SLC9A6: variants seen among roughly 807,000 people sequenced by gnomAD.
SLC9A6 encodes sodium/hydrogen exchanger 6.
SLC9A6 carries 6 observed loss-of-function variants against 45.3 expected under a neutral mutation model. That is an observed-to-expected ratio of 0.13 (90% CI 0.07 to 0.26). SLC9A6 has a LOEUF of 0.26. Among genes scored for constraint, SLC9A6 ranks in the 10% least tolerant of loss-of-function variants. The pLI is 1.00. For missense variants in SLC9A6, 278 were observed against 503.7 expected (o/e 0.55, Z 4.29); for synonymous variants, 191 against 187.7 (o/e 1.02, Z -0.14).
At chrX:136,036,570 G>A (rs1310797217) in intron 16 of SLC9A6, among the ~76,000 whole-genome samples, 2 of 112,448 alleles carry the variant, frequency 1.8e-5, no homozygotes, top group African/African-American at 6.5e-5. Context: ...CTGGAGTGCA[G>A]TGGTGCAATC....
chrX:136,005,017 T>C (rs1344126757), intron 7 of SLC9A6, among the ~76,000 whole-genome samples: 1 of 112,291 alleles, frequency 8.9e-6, no homozygotes, highest in Non-Finnish European at 1.9e-5. Context: ...TAGCATCGAT[T>C]CCCTATCCTA....
intron 7 of SLC9A6, among the ~76,000 whole-genome samples, chrX:136,006,991 C>T (rs782562621): frequency 2.7e-5 from 3 of 110,485 alleles, no homozygotes; most frequent in Non-Finnish European, 3.8e-5. Context: ...CTTAGCCTCC[C>T]GAGTAGCTGG....
intron 3 of SLC9A6, among the ~76,000 whole-genome samples, chrX:135,997,149 C>G (rs1423191338): frequency 9.0e-6 from 1 of 110,747 alleles, no homozygotes; most frequent in African/African-American, 3.3e-5. Context: ...CTCCGCCTCC[C>G]AGGTTCAAGT....
chrX:136,004,080 C>CTTTT (rs782804669), intron 7 of SLC9A6, among the ~76,000 whole-genome samples: 8 of 66,242 alleles, frequency 1.2e-4, no homozygotes, highest in Non-Finnish European at 1.7e-4. Flanking sequence ...CCTCCCTAAT[C>CTTTT]TTTTTTTTTT....
chrX:136,005,110 A>C (rs1052671581), intron 7 of SLC9A6, among the ~76,000 whole-genome samples: 4 of 112,055 alleles, frequency 3.6e-5, no homozygotes, highest in Non-Finnish European at 7.5e-5. Flanking sequence ...TAAGAGTTAG[A>C]AAATCTCTGT....
intron 17 of SLC9A6, among the ~76,000 whole-genome samples, chrX:136,042,831 G>A (rs946385792): frequency 9.1e-6 from 1 of 110,119 alleles, no homozygotes; most frequent in Non-Finnish European, 1.9e-5. Flanking sequence ...TCATGGCTAC[G>A]TCCTATTCCA....
In SLC9A6 at chrX:136,010,468, G is replaced by T. The variant is rs146874359; in HGVS notation, c.770G>T (p.Gly257Val). 3.3e-6 allele frequency: 4 copies of T among 1,209,678 alleles called. No individual in the cohort carries two copies. In the African/African-American group the frequency reaches 7.0e-5, roughly 21 times the overall value. ...SSSIVAYQPA[G>V]DNSHTFDVTA... is the part of the protein sequence containing the mutation. Reference sequence around the variant, plus strand: ...TCAATAGTGGCATACCAGCCAGCTGGAGACAACAGTCACACCTTTGATGTC... The same window carrying T: ...TCAATAGTGGCATACCAGCCAGCTGTAGACAACAGTCACACCTTTGATGTC... The change falls in exon 8 of 18, where the codon GGA becomes GTA. Residue 257 changes from glycine to valine, a missense_variant. Gly to Val is a moderately radical substitution (Grantham distance 109). Around this residue, in one of 5 missense-constraint regions of SLC9A6, gnomAD observed 118 missense variants for 209.9 expected, o/e 0.56. Coordinates refer to ENST00000630721, the MANE Select transcript of SLC9A6 (RefSeq NM_001379110.1).
intron 3 of SLC9A6, among the ~76,000 whole-genome samples, chrX:135,997,151 G>A (rs955394279): frequency 7.2e-5 from 8 of 110,686 alleles, no homozygotes; most frequent in Non-Finnish European, 1.3e-4. Context: ...CCGCCTCCCA[G>A]GTTCAAGTAA....
At chrX:135,977,592 A>C (rs1430206738) in intron 1 of SLC9A6, among the ~76,000 whole-genome samples, 1 of 112,008 alleles carries the variant, frequency 8.9e-6, no homozygotes, top group Non-Finnish European at 1.9e-5. Flanking sequence ...TGTAGGCACA[A>C]AACCTTTCTT....
chrX:136,019,232 A>G (rs1342475449), intron 11 of SLC9A6, among the ~76,000 whole-genome samples: 1 of 112,269 alleles, frequency 8.9e-6, no homozygotes, highest in Non-Finnish European at 1.9e-5. Flanking sequence ...CTTATCTAAA[A>G]ATCTGAACTG....
intron 11 of SLC9A6, among the ~76,000 whole-genome samples, chrX:136,017,167 CCT>C (rs1480607145): frequency 4.5e-5 from 5 of 110,800 alleles, no homozygotes; most frequent in African/African-American, 1.6e-4. Flanking sequence ...CCTCTCTCTC[CCT>C]CTCTCTTTCT....
chrX:136,003,738 C>G (rs914491879), intron 7 of SLC9A6, among the ~76,000 whole-genome samples: 1 of 112,090 alleles, frequency 8.9e-6, no homozygotes, highest in Non-Finnish European at 1.9e-5. Flanking sequence ...CGCACTTTCA[C>G]CATTAAATTA....
chrX:136,044,655 G>C lies in SLC9A6; in HGVS notation c.1971G>C (p.Leu657=). 8.3e-7 allele frequency: 1 copy of C among 1,209,809 alleles called. No individual in the cohort carries two copies. The highest frequency in any genetic ancestry group is 1.1e-6 in the Non-Finnish European group (1 of 893,982). ...AACTGGTCATTCGAGGAACACGCCTGGTTCTTCCAATGGATGATTCTGAAC... is the reference window on the plus strand; with the variant it reads ...AACTGGTCATTCGAGGAACACGCCTCGTTCTTCCAATGGATGATTCTGAAC... ...DHELVIRGTR[L]VLPMDDSEPP... Residue 657 remains leucine (L), a synonymous_variant, in exon 18 of 18, where the codon CTG becomes CTC. Transcript: ENST00000630721.
rs2071561358 is a variant in SLC9A6 at position 136,044,314 on chromosome X, GT to G, written c.1768-137del. On this transcript the variant is annotated intron_variant, in intron 17 of 17. Transcript: ENST00000630721. ...AAGTCACGCTGTATTTTAAGCCAAGGTATGGACTTTAGACTTTATCCTGAGG... is the reference window on the plus strand; with the variant it reads ...AAGTCACGCTGTATTTTAAGCCAAGGATGGACTTTAGACTTTATCCTGAGG... The G allele has an allele frequency of 9.8e-6, 5 of 510,526 alleles. No homozygotes were observed. The South Asian group carries it at 1.5e-4, about 15-fold the overall frequency. 42.1% of individuals were successfully genotyped at this position (510,526 alleles called of 1,213,427 possible).
At chrX:135,995,299 T>C (rs1603194988) in intron 3 of SLC9A6, among the ~76,000 whole-genome samples, 1 of 111,488 alleles carries the variant, frequency 9.0e-6, no homozygotes, top group Non-Finnish European at 1.9e-5. Context: ...AGATGGTCCT[T>C]ATAGTTTTCT....
Position 135,985,469 on chromosome X carries a change from G to A in SLC9A6, c.-65G>A. 2.0e-6 allele frequency: 2 copies of A among 1,017,399 alleles called. No homozygotes were observed. The highest frequency in any genetic ancestry group is 2.5e-6 in the Non-Finnish European group (2 of 796,223). 83.8% of individuals were successfully genotyped at this position (1,017,399 alleles called of 1,213,427 possible). A position where few individuals can be genotyped will look rare whatever the true frequency, so the allele number is the denominator to read the frequency against. On this transcript the variant is annotated 5_prime_UTR_variant, in exon 1 of 18. Coordinates refer to ENST00000630721, the MANE Select transcript of SLC9A6 (RefSeq NM_001379110.1). Reference sequence around the variant, plus strand: ...GGGAGTGGTCCGACCGCGGGCGGCCGCCGGTGAGGTAGGGGCGGGAGGCGG... The same window carrying A: ...GGGAGTGGTCCGACCGCGGGCGGCCACCGGTGAGGTAGGGGCGGGAGGCGG...
At chrX:136,020,986 G>A (rs2071117651) in intron 11 of SLC9A6, among the ~76,000 whole-genome samples, 1 of 109,773 alleles carries the variant, frequency 9.1e-6, no homozygotes, top group African/African-American at 3.3e-5. Flanking sequence ...CCTTTTATTG[G>A]AGAATAGTAT....
upstream of SLC9A6, among the ~76,000 whole-genome samples, chrX:135,981,229 G>A (rs1018936889): frequency 2.7e-5 from 3 of 111,892 alleles, no homozygotes; most frequent in Admixed American, 9.5e-5. Context: ...TTGCGATCAT[G>A]GTGGAAGGCA....
In SLC9A6 at chrX:135,998,478, TCAGAGAC is replaced by T; in HGVS notation, c.448-3_451del. 1.8e-6 allele frequency: 2 copies of T among 1,128,404 alleles called. No individual in the cohort carries two copies. The highest frequency in any genetic ancestry group is 3.0e-5 in the Admixed American group (1 of 33,326). 93.0% of individuals were successfully genotyped at this position (1,128,404 alleles called of 1,213,427 possible). On this transcript the variant is annotated splice_acceptor_variant and splice_polypyrimidine_tract_variant and coding_sequence_variant and intron_variant, in exon 5 of 18. Transcript: ENST00000630721. LOFTEE classifies it high-confidence loss of function. ...TAACAGTGTAACTTTTTTTTTTTTG[TCAGAGAC>T]ATTTTTTTCGAAATCTTGGGTCTAT...
Sources: allele counts gnomAD v4.1 joint callset (sites outside exome capture counted in the v4.1 genomes callset), GRCh38; gene constraint gnomAD v4.1.1; regional missense constraint gnomAD v4.1.1; transcripts MANE v1.5; gene names NCBI Gene and HGNC (gene_info 2026-07-23, HGNC 2026-07-21).